Variants in ROCK2 observed in about 807,000 individuals in gnomAD.
ROCK2 encodes Rho associated coiled-coil containing protein kinase 2.
ROCK2 carries 61 observed loss-of-function variants against 195.1 expected under a neutral mutation model. That is an observed-to-expected ratio of 0.31 (90% confidence interval 0.25 to 0.39). The LOEUF is 0.39. ROCK2 is among the 10% of genes least tolerant of loss of function. The pLI is 1.00. For missense variants in ROCK2, 1,109 were observed against 1,637.4 expected, an observed-to-expected ratio of 0.68 and a Z score of 5.57; for synonymous variants, 504 against 545.5, an observed-to-expected ratio of 0.92 and a Z score of 1.06.
chr2:11,301,422 A>T lies in ROCK2; in HGVS notation c.142-13686T>A, dbSNP rs542999042. ...GTATATACTCAAAAAACTGTTGTGT[A>T]AATAGCCAGCATCTTAGTATCAACA... On this transcript the variant is annotated intron_variant, in intron 1 of 32. Transcript: ENST00000315872. 1.4e-4 allele frequency among the ~76,000 whole-genome samples: 22 copies of T among 152,250 alleles called. No homozygotes were observed. The East Asian group carries it at 3.9e-3, about 27-fold the overall frequency.
intron 27 of ROCK2, 156 bp from the exon 28 acceptor site, chr2:11,195,181 A>T (rs1663582258): frequency 2.5e-6 from 1 of 402,696 alleles, no homozygotes; most frequent in East Asian, 3.7e-5. Context: ...ATAGTACAGG[A>T]TCAGTAGTAA....
At position 11,249,816 on chromosome 2, in the gene ROCK2, C is replaced by T; in HGVS notation, c.325-18G>A. 1 of 1,471,148 alleles carries T rather than the reference C, an allele frequency of 6.8e-7. No individual in the cohort carries two copies. Among genetic ancestry groups the T allele is most frequent in the Non-Finnish European group, 9.0e-7 (1 of 1,112,750 alleles). 91.1% of individuals were successfully genotyped at this position (1,471,148 alleles called of 1,614,324 possible). ...TGACGAACCTGTTGATTTTTGAAAA[C>T]ACAAAAATTAATACTTTCATGTTAT... On this transcript the variant is annotated intron_variant, in intron 3 of 32. Coordinates refer to ENST00000315872, the MANE Select transcript of ROCK2 (RefSeq NM_004850.5).
At chr2:11,231,627 G>T (rs554996853) in intron 5 of ROCK2, among the ~76,000 whole-genome samples, 1 of 152,180 alleles carries the variant, frequency 6.6e-6, no homozygotes, top group East Asian at 1.9e-4. Context: ...AACTTTTACT[G>T]AGACACATCT....
intron 1 of ROCK2, among the ~76,000 whole-genome samples, chr2:11,340,298 C>T (rs1031599465): frequency 3.9e-5 from 6 of 152,226 alleles, no homozygotes; most frequent in African/African-American, 1.4e-4. Flanking sequence ...AATGACTAGA[C>T]CACAAGTATT....
intron 23 of ROCK2, among the ~76,000 whole-genome samples, chr2:11,199,435 G>GC (rs745489670): frequency 2.7e-4 from 41 of 150,350 alleles, no homozygotes; most frequent in Non-Finnish European, 1.9e-4. Flanking sequence ...TCCCACCTCA[G>GC]CCCCCATGAG....
intron 10 of ROCK2, 68 bp from the exon 11 acceptor site, chr2:11,218,534 A>T: frequency 8.7e-7 from 1 of 1,147,266 alleles, no homozygotes; most frequent in Non-Finnish European, 1.2e-6. Flanking sequence ...AAAATTCCTA[A>T]AACACAAACC....
intron 32 of ROCK2, among the ~76,000 whole-genome samples, chr2:11,187,429 G>A (rs565725214): frequency 6.6e-6 from 1 of 152,304 alleles, no homozygotes; most frequent in African/African-American, 2.4e-5. Flanking sequence ...AAAATTGTAT[G>A]TGTACGGTCC....
chr2:11,320,404 T>C (rs1206330906), intron 1 of ROCK2, among the ~76,000 whole-genome samples: 1 of 152,212 alleles, frequency 6.6e-6, no homozygotes, highest in African/African-American at 2.4e-5. Flanking sequence ...TGTAATCAGC[T>C]GGATTGGATC....
At position 11,192,519 on chromosome 2, in the gene ROCK2, C is replaced by T. The variant is rs1344004974; in HGVS notation, c.3881G>A (p.Arg1294His). Residue 1294 changes from arginine (R) to histidine (H), a missense_variant, in exon 31 of 33, where the codon CGC becomes CAC. Physicochemically the swap from Arg to His is conservative, Grantham distance 29 (BLOSUM62 0). Transcript: ENST00000315872. This position sits in a 1 kb window ranked among gnomAD's most constrained non-coding sequence, Gnocchi z 5.0. ...MFKPPPALEC[R>H]RCHIKCHKDH... Reference sequence around the variant, plus strand: ...TTTATGACACTTAATATGGCAACGGCGGCACTCCAAAGCAGGAGGAGGCTT... The same window carrying T: ...TTTATGACACTTAATATGGCAACGGTGGCACTCCAAAGCAGGAGGAGGCTT... 4 of 1,613,938 alleles carry T rather than the reference C, an allele frequency of 2.5e-6. No individual in the cohort carries two copies. Among genetic ancestry groups the T allele is most frequent in the East Asian group, 2.2e-5 (1 of 44,890 alleles).
chr2:11,249,797 ACC>A lies in ROCK2; in HGVS notation c.325-1_325del. On this transcript the variant is annotated splice_acceptor_variant and coding_sequence_variant, in exon 4 of 33. Transcript: ENST00000315872. LOFTEE classifies it high-confidence loss of function. ...AACCTTCTGCGATGCCTTGTGACGA[ACC>A]TGTTGATTTTTGAAAACACAAAAAT... is the stretch of plus-strand genomic sequence containing the variant. The A allele has an allele frequency of 6.6e-7, 1 of 1,507,764 alleles. No homozygotes were observed. Among genetic ancestry groups the A allele is most frequent in the Non-Finnish European group, 8.8e-7 (1 of 1,133,896 alleles). 93.4% of individuals were successfully genotyped at this position (1,507,764 alleles called of 1,614,324 possible). A position where few individuals can be genotyped will look rare whatever the true frequency, so the allele number is the denominator to read the frequency against.
chr2:11,304,196 T>C (rs1321295864), intron 1 of ROCK2, among the ~76,000 whole-genome samples: 1 of 152,196 alleles, frequency 6.6e-6, no homozygotes, highest in African/African-American at 2.4e-5. Context: ...AAGACCCATA[T>C]ATCTATTTGC....
intron 7 of ROCK2, among the ~76,000 whole-genome samples, chr2:11,223,660 C>T (rs573110698): frequency 2.0e-5 from 3 of 152,128 alleles, no homozygotes; most frequent in East Asian, 3.9e-4. Flanking sequence ...TAAGTTTGAA[C>T]GAGGGTGTGA....
At chr2:11,256,022 ATGAAAC>A (rs1666023749) in intron 3 of ROCK2, among the ~76,000 whole-genome samples, 1 of 150,630 alleles carries the variant, frequency 6.6e-6, no homozygotes, top group African/African-American at 2.5e-5. Flanking sequence ...AAATGAATAA[ATGAAAC>A]TGAAGAGACT....
intron 20 of ROCK2, among the ~76,000 whole-genome samples, chr2:11,203,273 A>T (rs1292932450): frequency 1.3e-5 from 2 of 152,238 alleles, no homozygotes; most frequent in Non-Finnish European, 2.9e-5. Flanking sequence ...GTTGGAGAAC[A>T]ATACAATTTG....
At chr2:11,319,462 CTT>C (rs1418589938) in intron 1 of ROCK2, among the ~76,000 whole-genome samples, 14 of 152,186 alleles carry the variant, frequency 9.2e-5, no homozygotes, top group Admixed American at 3.3e-4. Context: ...TATCCTGAGA[CTT>C]TGCTGAAGTT....
intron 1 of ROCK2, among the ~76,000 whole-genome samples, chr2:11,305,196 C>T (rs1385835299): frequency 2.0e-5 from 3 of 151,984 alleles, no homozygotes; most frequent in Non-Finnish European, 4.4e-5. Context: ...GCCAGCATGG[C>T]GAAACCCTGT....
At chr2:11,239,017 G>A (rs1286990858) in intron 4 of ROCK2, among the ~76,000 whole-genome samples, 1 of 151,434 alleles carries the variant, frequency 6.6e-6, no homozygotes, top group Non-Finnish European at 1.5e-5. Flanking sequence ...GATAGCTACA[G>A]CCAAAATATT....
chr2:11,193,753 C>G lies in ROCK2; in HGVS notation c.3687+26G>C, dbSNP rs748873048. On this transcript the variant is annotated intron_variant, in intron 30 of 32. Coordinates refer to ENST00000315872, the MANE Select transcript of ROCK2 (RefSeq NM_004850.5). ...AAAAAAACAAAACAAAGCCAACCAA[C>G]CAAATATAAACAAAACTATGTTTAC... 6.4e-6 allele frequency: 9 copies of G among 1,416,518 alleles called. No individual in the cohort carries two copies. The East Asian group carries it at 2.2e-4, about 34-fold the overall frequency. The allele number at this position is 1,416,518 out of a possible 1,614,324, so 87.7% of individuals were successfully genotyped here.
At chr2:11,263,625 A>T (rs553940500) in intron 3 of ROCK2, among the ~76,000 whole-genome samples, 1 of 146,716 alleles carries the variant, frequency 6.8e-6, no homozygotes, top group African/African-American at 2.5e-5. Flanking sequence ...AAGAAATCAA[A>T]GTATATATAT....
Sources: allele counts gnomAD v4.1 joint callset (sites outside exome capture counted in the v4.1 genomes callset), GRCh38; gene constraint gnomAD v4.1.1; non-coding constraint Gnocchi (gnomAD v3.1); transcripts MANE v1.5; gene names NCBI Gene and HGNC (gene_info 2026-07-23, HGNC 2026-07-21).